GOLGB1: variants seen among roughly 807,000 people sequenced by gnomAD.
GOLGB1 encodes the protein golgin B1.
GOLGB1 carries 174 observed loss-of-function variants against 336.9 expected under a neutral mutation model. That is an observed-to-expected ratio of 0.52 (90% confidence interval 0.46 to 0.59). GOLGB1 has a LOEUF of 0.59. GOLGB1 is among the 20% of genes least tolerant of loss of function. GOLGB1 has a pLI of 0.00. For synonymous variants in GOLGB1, 1,208 were observed against 1,289.2 expected, an observed-to-expected ratio of 0.94 and a Z score of 1.35; for missense variants, 3,331 against 3,645.3, an observed-to-expected ratio of 0.91 and a Z score of 2.22.
At chr3:121,742,757 T>TA (rs1267590752) in intron 1 of GOLGB1, among the ~76,000 whole-genome samples, 4 of 152,086 alleles carry the variant, frequency 2.6e-5, no homozygotes, top group African/African-American at 9.6e-5. Flanking sequence ...ACAAAGAACT[T>TA]AAACAAATTT....
chr3:121,700,159 T>G (rs191228285), intron 11 of GOLGB1, among the ~76,000 whole-genome samples: 9 of 152,192 alleles, frequency 5.9e-5, no homozygotes, highest in Admixed American at 5.2e-4. Flanking sequence ...ATGCAGGACA[T>G]AAAGCAGCTA....
intron 15 of GOLGB1, 59 bp downstream of exon 15, chr3:121,681,625 AATT>A: frequency 3.3e-6 from 4 of 1,196,286 alleles, no homozygotes; most frequent in Non-Finnish European, 4.7e-6. Flanking sequence ...CCAAATCTAC[AATT>A]ATTTCAAAAT....
At chr3:121,738,998 C>A (rs1355783275) in intron 1 of GOLGB1, among the ~76,000 whole-genome samples, 1 of 152,140 alleles carries the variant, frequency 6.6e-6, no homozygotes, top group Non-Finnish European at 1.5e-5. Flanking sequence ...CGTGCTAGCT[C>A]ATCCTGTAAT....
In GOLGB1 at chr3:121,748,387, T is replaced by G. The variant is rs115310190; in HGVS notation, c.-3+1245A>C. 5.8e-4 allele frequency among the ~76,000 whole-genome samples: 88 copies of G among 152,274 alleles called. 1 individual carries two copies. The highest frequency in any genetic ancestry group is 1.1e-3 in the Non-Finnish European group (76 of 68,014). ...TGCATGCTCAAAAATGTTTTACTGA[T>G]AGGGAGTGCAATTAAAAGGTTTGGA... On this transcript the variant is annotated intron_variant, in intron 1 of 21. Transcript: ENST00000614479.
At chr3:121,671,346 T>C (rs1939504319) in intron 17 of GOLGB1, among the ~76,000 whole-genome samples, 1 of 152,212 alleles carries the variant, frequency 6.6e-6, no homozygotes. Context: ...CTGGTAGAAA[T>C]GCAGTCATCC....
chr3:121,685,533 CTAAATAAATAAATAAATAAATAAA>C (rs113841968), intron 14 of GOLGB1, among the ~76,000 whole-genome samples: 6 of 145,552 alleles, frequency 4.1e-5, no homozygotes, highest in African/African-American at 1.5e-4. Flanking sequence ...GACTCTGTTT[CTAAATAAATAAATAAATAAATAAA>C]TAAATAAATA....
chr3:121,684,127 C>CAAAA (rs61510295), intron 14 of GOLGB1, among the ~76,000 whole-genome samples: 6 of 10,910 alleles, frequency 5.5e-4, no homozygotes, highest in African/African-American at 1.5e-3. Flanking sequence ...GACGCCGTCT[C>CAAAA]AAAAAAAAAA....
At chr3:121,685,467 G>A (rs1219340950) in intron 14 of GOLGB1, among the ~76,000 whole-genome samples, 1 of 151,966 alleles carries the variant, frequency 6.6e-6, no homozygotes, top group African/African-American at 2.4e-5. Flanking sequence ...CCCGGGAGGT[G>A]GAGGGTGCAG....
At position 121,698,252 on chromosome 3, in the gene GOLGB1, C is replaced by T. The variant is rs367867342; in HGVS notation, c.2271G>A (p.Gln757=). 228 of 1,613,864 alleles carry T rather than the reference C, an allele frequency of 1.4e-4. No homozygotes were observed. The highest frequency in any genetic ancestry group is 3.7e-4 in the South Asian group (34 of 91,084). The stretch of plus-strand genomic sequence containing the variant: ...CTGTTACCATGCTAAGTTCCTTCAC[C>T]TGAGAGAGAAGCTGGTCTCTTTCTT... ...LSEERDQLLS[Q]VKELSMVTEL... is the part of the protein sequence containing the mutation. The change falls in exon 13 of 22, where the codon CAG becomes CAA. Residue 757 remains glutamine, a synonymous_variant. Transcript: ENST00000614479.
At chr3:121,702,339 C>G (rs1001718689) in intron 11 of GOLGB1, 142 bp downstream of exon 11, 11 of 386,700 alleles carry the variant, frequency 2.8e-5, no homozygotes, top group Non-Finnish European at 4.7e-6. Context: ...TGTGTATTAT[C>G]TTTGATAGTT....
At chr3:121,729,057 GAAA>G (rs374167251) in intron 4 of GOLGB1, 128 bp downstream of exon 4, 4 of 507,060 alleles carry the variant, frequency 7.9e-6, no homozygotes, top group Admixed American at 3.7e-5. Flanking sequence ...AGCTCTATAA[GAAA>G]AAAAAAAACA....
In GOLGB1 at chr3:121,694,068, G is replaced by A; in HGVS notation, c.6455C>T (p.Ala2152Val). The A allele has an allele frequency of 6.2e-7, 1 of 1,613,882 alleles. No homozygotes were observed. Among genetic ancestry groups the A allele is most frequent in the South Asian group, 1.1e-5 (1 of 91,076 alleles). The stretch of plus-strand genomic sequence containing the variant: ...CAAGTGGACTTTTTCTCTGCGCAAA[G>A]CATCCAGTTTCTCTTGCATATTCTT... ...EKKNMQEKLD[A>V]LRREKVHLEE... The change falls in exon 13 of 22, where the codon GCT becomes GTT. Residue 2152 changes from alanine (A) to valine (V), a missense_variant. Coordinates refer to ENST00000614479, the MANE Select transcript of GOLGB1 (RefSeq NM_001366282.2).
intron 1 of GOLGB1, chr3:121,749,080 C>T (rs1947576463): frequency 5.6e-6 from 1 of 177,610 alleles, no homozygotes; most frequent in Non-Finnish European, 1.1e-5. Context: ...TTTCCAGTAA[C>T]CCATTAGCAT....
At chr3:121,703,563 G>A (rs1029809076) in intron 10 of GOLGB1, among the ~76,000 whole-genome samples, 1 of 152,172 alleles carries the variant, frequency 6.6e-6, no homozygotes, top group African/African-American at 2.4e-5. Flanking sequence ...GTATTTGTTG[G>A]ACTGACTTAA....
At position 121,696,586 on chromosome 3, in the gene GOLGB1, T is replaced by C; in HGVS notation, c.3937A>G (p.Lys1313Glu). 3 of 1,614,140 alleles carry C rather than the reference T, an allele frequency of 1.9e-6. No homozygotes were observed. Among genetic ancestry groups the C allele is most frequent in the Non-Finnish European group, 2.5e-6 (3 of 1,180,002 alleles). Residue 1313 changes from lysine (K) to glutamate (E), a missense_variant, in exon 13 of 22, where the codon AAG becomes GAG. Transcript: ENST00000614479. ...GCCTCTATTTCCTTCAGCTGGGCCT[T>C]AATCTGGGCAACAGAAGTTCCGCCC... The part of the protein sequence containing the change: ...LQGGTSVAQI[K>E]AQLKEIEAEK...
intron 11 of GOLGB1, among the ~76,000 whole-genome samples, chr3:121,702,005 A>G (rs1943456091): frequency 1.3e-5 from 2 of 152,272 alleles, no homozygotes; most frequent in Non-Finnish European, 2.9e-5. Context: ...ACAATCATCC[A>G]GACTAAAGGA....
rs1942364325 is a variant in GOLGB1 at position 121,691,011 on chromosome 3, CTCTGTT to C, written c.8347_8352del (p.Asn2783_Arg2784del). The C allele has an allele frequency of 6.2e-7, 1 of 1,613,818 alleles. No homozygotes were observed. Among genetic ancestry groups the C allele is most frequent in the Non-Finnish European group, 8.5e-7 (1 of 1,179,786 alleles). ...GTTTCAGAAAGAAGAGCATCTCTCT[CTCTGTT>C]TAAGAGTCCCTGTTCTTTCAACTGT... On this transcript the variant is annotated inframe_deletion, in exon 14 of 22. Coordinates refer to ENST00000614479, the MANE Select transcript of GOLGB1 (RefSeq NM_001366282.2).
intron 1 of GOLGB1, among the ~76,000 whole-genome samples, chr3:121,741,138 G>A (rs1946825291): frequency 6.6e-6 from 1 of 151,984 alleles, no homozygotes; most frequent in African/African-American, 2.4e-5. Context: ...AAAAAACACA[G>A]ACAAAATGTT....
upstream of GOLGB1, chr3:121,749,880 A>C (rs1042642710): frequency 2.6e-5 from 4 of 152,584 alleles, no homozygotes; most frequent in Non-Finnish European, 4.4e-5. Context: ...CAACGACAGA[A>C]GATGCTCCGC....
Sources: allele counts gnomAD v4.1 joint callset (sites outside exome capture counted in the v4.1 genomes callset), GRCh38; gene constraint gnomAD v4.1.1; transcripts MANE v1.5; gene names NCBI Gene and HGNC (gene_info 2026-07-23, HGNC 2026-07-21).